Variants in BORCS5 observed in about 807,000 individuals in gnomAD.
BORCS5 encodes the protein BLOC-1-related complex subunit 5.
BORCS5 carries 17 observed loss-of-function variants against 22.1 expected under a neutral mutation model. That is an observed-to-expected ratio of 0.77 (90% CI 0.53 to 1.15). BORCS5 has a LOEUF of 1.15. Among genes scored for constraint, BORCS5 ranks in the 50% most tolerant of loss-of-function variants. The pLI, the probability that BORCS5 is intolerant of heterozygous loss-of-function variation, is 0.00. For synonymous variants in BORCS5, 117 were observed against 99.8 expected, an observed-to-expected ratio of 1.17 and a Z score of -1.03; for missense variants, 247 against 253.2, an observed-to-expected ratio of 0.98 and a Z score of 0.17.
rs200518572 is a variant in BORCS5 at position 12,357,475 on chromosome 12, G to C, written c.24G>C (p.Glu8Asp). The C allele has an allele frequency of 6.2e-7, 1 of 1,611,220 alleles. No homozygotes were observed. The highest frequency in any genetic ancestry group is 1.7e-5 in the Admixed American group (1 of 59,960). MGSEQSS[E>D]AESRPNDLNS... ...CCATGGGCAGTGAGCAGAGCTCCGA[G>C]GCCGAGAGCCGACCCAACGATCTGA... The change falls in exon 1 of 4, where the codon GAG becomes GAC. Residue 8 changes from glutamate to aspartate, a missense_variant. Physicochemically the swap from Glu to Asp is conservative, Grantham distance 45. Transcript: ENST00000314565.
chr12:12,431,302 A>G (rs1311041040), intron 2 of BORCS5, among the ~76,000 whole-genome samples: 2 of 151,160 alleles, frequency 1.3e-5, no homozygotes, highest in African/African-American at 4.9e-5. Flanking sequence ...TTTTCTTATT[A>G]TAAGTGAGGT....
At chr12:12,462,806 A>C (rs1344182498) in intron 3 of BORCS5, among the ~76,000 whole-genome samples, 2 of 152,058 alleles carry the variant, frequency 1.3e-5, no homozygotes, top group Admixed American at 1.3e-4. Context: ...ATAGGCGCAC[A>C]CTGCCACGCC....
At chr12:12,425,498 C>T (rs916872874) in intron 2 of BORCS5, among the ~76,000 whole-genome samples, 3 of 152,170 alleles carry the variant, frequency 2.0e-5, no homozygotes, top group South Asian at 2.1e-4. Context: ...GGAGAACATC[C>T]TTGCCAACAC....
intron 3 of BORCS5, among the ~76,000 whole-genome samples, chr12:12,459,088 GT>G (rs1943054846): frequency 6.6e-6 from 1 of 151,656 alleles, no homozygotes; most frequent in African/African-American, 2.4e-5. Flanking sequence ...TAGAGACAGG[GT>G]TTCTCCATGT....
At chr12:12,394,571 G>T (rs751817966) in intron 2 of BORCS5, among the ~76,000 whole-genome samples, 3 of 151,776 alleles carry the variant, frequency 2.0e-5, no homozygotes, top group African/African-American at 7.3e-5. Context: ...GACAGAGTAC[G>T]TTGCCTGGGC....
Position 12,416,411 on chromosome 12 carries a change from G to C in BORCS5, c.203-19217G>C, listed in dbSNP as rs1049537922. Among the ~76,000 whole-genome samples, 8 of 151,638 alleles carry C rather than the reference G, an allele frequency of 5.3e-5. No individual in the cohort carries two copies. In the East Asian group the frequency reaches 1.5e-3, roughly 29 times the overall value. On this transcript the variant is annotated intron_variant, in intron 2 of 3. Transcript: ENST00000314565. Reference sequence around the variant, plus strand: ...TCTAGTTCCTTAAGTTGTAAAGTTAGATTGCTGGTGTGAGATCTTTCTTTT... The same window carrying C: ...TCTAGTTCCTTAAGTTGTAAAGTTACATTGCTGGTGTGAGATCTTTCTTTT...
intron 2 of BORCS5, among the ~76,000 whole-genome samples, chr12:12,387,993 C>G (rs1002006487): frequency 6.6e-6 from 1 of 151,450 alleles, no homozygotes; most frequent in Non-Finnish European, 1.5e-5. Flanking sequence ...ACACAGAACT[C>G]TTTCTGTTAA....
At chr12:12,405,405 G>C (rs1213692922) in intron 2 of BORCS5, among the ~76,000 whole-genome samples, 1 of 152,182 alleles carries the variant, frequency 6.6e-6, no homozygotes, top group Non-Finnish European at 1.5e-5. Context: ...CCCTCAAGGT[G>C]CAGTAATATT....
intron 2 of BORCS5, among the ~76,000 whole-genome samples, chr12:12,398,062 T>C (rs1158710248): frequency 6.6e-6 from 1 of 152,232 alleles, no homozygotes; most frequent in African/African-American, 2.4e-5. Flanking sequence ...AAAAGATGCT[T>C]GTATACATGT....
rs1461023532 is a variant in BORCS5 at position 12,357,508 on chromosome 12, A to G, written c.57A>G (p.Ser19=). 1 of 1,608,050 alleles carries G rather than the reference A, an allele frequency of 6.2e-7. No homozygotes were observed. The highest frequency in any genetic ancestry group is 8.5e-7 in the Non-Finnish European group (1 of 1,175,314). ...GCCGACCCAACGATCTGAACTCCTC[A>G]GGTCGGTGTCCTAACCTCCCACCCT... The part of the protein sequence containing the change: ...AESRPNDLNS[S]VTPSPAKHRA... The change falls in exon 1 of 4, where the codon TCA becomes TCG. Residue 19 remains serine, a splice_region_variant and synonymous_variant. Transcript: ENST00000314565.
At chr12:12,406,274 GATT>G (rs1941592392) in intron 2 of BORCS5, among the ~76,000 whole-genome samples, 1 of 152,210 alleles carries the variant, frequency 6.6e-6, no homozygotes, top group African/African-American at 2.4e-5. Context: ...TAGAAGTTGA[GATT>G]ATTTTCCTTA....
At chr12:12,464,052 G>A (rs1592146516) in intron 3 of BORCS5, among the ~76,000 whole-genome samples, 1 of 151,638 alleles carries the variant, frequency 6.6e-6, no homozygotes, top group South Asian at 2.1e-4. Context: ...TCATTGCAAG[G>A]CCACCCTGAA....
chr12:12,435,700 T>C lies in BORCS5; in HGVS notation c.275T>C (p.Leu92Pro), dbSNP rs933789274. The C allele has an allele frequency of 1.9e-6, 3 of 1,614,152 alleles. No homozygotes were observed. Among genetic ancestry groups the C allele is most frequent in the Non-Finnish European group, 2.5e-6 (3 of 1,180,004 alleles). Residue 92 changes from leucine to proline, a missense_variant, in exon 3 of 4, where the codon CTC becomes CCC. Coordinates refer to ENST00000314565, the MANE Select transcript of BORCS5 (RefSeq NM_058169.6). ...EKLDSQQVLQ[L>P]CLRYQDHLHQ... Reference sequence around the variant, plus strand: ...CTGGACTCTCAGCAGGTGTTGCAGCTCTGCCTCCGATATCAAGATCACCTG... The same window carrying C: ...CTGGACTCTCAGCAGGTGTTGCAGCCCTGCCTCCGATATCAAGATCACCTG...
At chr12:12,385,085 G>T (rs1863853153) in intron 2 of BORCS5, among the ~76,000 whole-genome samples, 1 of 151,334 alleles carries the variant, frequency 6.6e-6, no homozygotes, top group Non-Finnish European at 1.5e-5. Flanking sequence ...CAAAGTTCAG[G>T]CCATTTTCAA....
At chr12:12,436,760 G>A (rs1942564647) in intron 3 of BORCS5, among the ~76,000 whole-genome samples, 1 of 152,212 alleles carries the variant, frequency 6.6e-6, no homozygotes, top group Non-Finnish European at 1.5e-5. Flanking sequence ...TATATTGACA[G>A]ATTTAAATTT....
intron 3 of BORCS5, among the ~76,000 whole-genome samples, chr12:12,456,447 G>T (rs1402397580): frequency 6.6e-6 from 1 of 152,076 alleles, no homozygotes; most frequent in Non-Finnish European, 1.5e-5. Flanking sequence ...ACAAACCACA[G>T]TGACATCTTT....
At chr12:12,461,431 C>A (rs1400508717) in intron 3 of BORCS5, among the ~76,000 whole-genome samples, 1 of 152,066 alleles carries the variant, frequency 6.6e-6, no homozygotes, top group African/African-American at 2.4e-5. Flanking sequence ...CTCAGCCTCC[C>A]AAAGTACTGA....
chr12:12,366,823 A>G (rs1863416186), intron 2 of BORCS5, among the ~76,000 whole-genome samples: 1 of 152,244 alleles, frequency 6.6e-6, no homozygotes. Context: ...GTAGATGAAT[A>G]TGTGCATATT....
At position 12,435,270 on chromosome 12, in the gene BORCS5, G is replaced by A. The variant is rs138730094; in HGVS notation, c.203-358G>A. ...TATATTCCTAGTACCTTGAAGTGAT[G>A]TGATAAGGTCAGGAGCTCTGTTCTT... On this transcript the variant is annotated intron_variant, in intron 2 of 3. Transcript: ENST00000314565. 2.9e-3 allele frequency among the ~76,000 whole-genome samples: 449 copies of A among 152,286 alleles called. 3 individuals carry two copies. Among genetic ancestry groups the A allele is most frequent in the African/African-American group, 0.01 (426 of 41,556 alleles).
Sources: allele counts gnomAD v4.1 joint callset (sites outside exome capture counted in the v4.1 genomes callset), GRCh38; gene constraint gnomAD v4.1.1; transcripts MANE v1.5; gene names NCBI Gene and HGNC (gene_info 2026-07-23, HGNC 2026-07-21).